RALGPS2: variants seen among roughly 807,000 people sequenced by gnomAD.
RALGPS2 encodes the protein Ral GEF with PH domain and SH3 binding motif 2.
Under a neutral mutation model 86.8 loss-of-function variants are expected in RALGPS2, and 43 were observed. The observed-to-expected ratio is 0.50, with a 90% CI of 0.39 to 0.64. The LOEUF is 0.64. Ranked by LOEUF, RALGPS2 falls within the 30% of genes least tolerant of loss-of-function variation. The pLI is 0.00. For missense variants in RALGPS2, 536 were observed against 694.6 expected (o/e 0.77, Z 2.57); for synonymous variants, 243 against 231.3 (o/e 1.05, Z -0.46).
chr1:178,852,114 A>G (rs1401694127), intron 8 of RALGPS2, among the ~76,000 whole-genome samples: 1 of 152,120 alleles, frequency 6.6e-6, no homozygotes, highest in Admixed American at 6.6e-5. Flanking sequence ...CATGTATCCA[A>G]ATGGCTTGCA....
chr1:178,888,377 A>C (rs1659579244), intron 13 of RALGPS2, among the ~76,000 whole-genome samples: 1 of 152,202 alleles, frequency 6.6e-6, no homozygotes, highest in Non-Finnish European at 1.5e-5. Flanking sequence ...ATTAATCTAC[A>C]GTGAAGGCTT....
chr1:178,773,308 T>C (rs1393382338), intron 1 of RALGPS2, among the ~76,000 whole-genome samples: 3 of 152,202 alleles, frequency 2.0e-5, no homozygotes, highest in Non-Finnish European at 2.9e-5. Context: ...TTGTGCCACA[T>C]GCTCCAGCCT....
At chr1:178,753,830 G>A (rs115627382) in intron 1 of RALGPS2, 5,495 of 152,046 alleles carry the variant, frequency 0.036, 124 homozygotes, top group Middle Eastern at 0.058. Context: ...AAATTTGCAG[G>A]TTGAAGGTTT....
rs891930234 is a variant in RALGPS2, at chr1:178,917,791, G to A, written c.*1432G>A. The A allele has an allele frequency of 1.3e-5, 2 of 152,030 alleles. No individual in the cohort carries two copies. The highest frequency in any genetic ancestry group is 2.9e-5 in the Non-Finnish European group (2 of 67,958). The allele number at this position is 152,030 out of a possible 1,614,324, so 9.4% of individuals were successfully genotyped here. On this transcript the variant is annotated 3_prime_UTR_variant, in exon 20 of 20. Transcript: ENST00000367635. ...GACACTCAAACAAAGGCTATATGTC[G>A]AATGTTATAAACTCTTGAGACATAA...
chr1:178,771,903 T>C (rs1477171172), intron 1 of RALGPS2, among the ~76,000 whole-genome samples: 2 of 152,220 alleles, frequency 1.3e-5, no homozygotes, highest in Non-Finnish European at 2.9e-5. Flanking sequence ...TTTTCCATTG[T>C]GTAGCAGTCA....
chr1:178,744,817 C>CA (rs148175568), intron 1 of RALGPS2, among the ~76,000 whole-genome samples: 5,314 of 65,006 alleles, frequency 0.082, 278 homozygotes, highest in African/African-American at 0.15. Flanking sequence ...GACTCCATCT[C>CA]AAAAAAAAAA....
At chr1:178,803,127 G>A (rs191809132) in intron 4 of RALGPS2, among the ~76,000 whole-genome samples, 489 of 152,236 alleles carry the variant, frequency 3.2e-3, no homozygotes, top group African/African-American at 0.01. Flanking sequence ...CAGTTTGACA[G>A]GTAGCAGAGC....
chr1:178,845,394 A>G (rs1211189071), intron 8 of RALGPS2, among the ~76,000 whole-genome samples: 2 of 152,166 alleles, frequency 1.3e-5, no homozygotes, highest in African/African-American at 2.4e-5. Context: ...ACCCTCTGTA[A>G]TATAGTGTTC....
Position 178,821,625 on chromosome 1 carries a change from T to G in RALGPS2, c.401T>G (p.Leu134Arg), listed in dbSNP as rs1327506943. Reference protein sequence around the residue: ...YIKTAKKLYELNNLHALMAVV... With the variant: ...YIKTAKKLYERNNLHALMAVV... ...TCAAATCTTCAGAAACTGTATGAGC[T>G]GAATAACCTTCATGCACTTATGGCA... Residue 134 changes from leucine (L) to arginine (R), a missense_variant, in exon 7 of 20, where the codon CTG becomes CGG. Around this residue, in one of 3 missense-constraint regions of RALGPS2, gnomAD observed 184 missense variants for 296.7 expected, o/e 0.62. Coordinates refer to ENST00000367635, the MANE Select transcript of RALGPS2 (RefSeq NM_152663.5). The G allele has an allele frequency of 6.2e-7, 1 of 1,612,352 alleles. No individual in the cohort carries two copies. The highest frequency in any genetic ancestry group is 8.5e-7 in the Non-Finnish European group (1 of 1,179,376).
intron 1 of RALGPS2, among the ~76,000 whole-genome samples, chr1:178,732,912 C>CA (rs559486606): frequency 2.4e-4 from 37 of 152,118 alleles, no homozygotes; most frequent in Admixed American, 5.9e-4. Context: ...TTTTTTCACC[C>CA]ACACGGCTGA....
At chr1:178,821,516 C>G (rs1655502854) in intron 6 of RALGPS2, 96 bp from the exon 7 acceptor site, 8 of 871,214 alleles carry the variant, frequency 9.2e-6, no homozygotes, top group Admixed American at 6.2e-5. Flanking sequence ...TGCTGGAACA[C>G]TACCAGTTGC....
rs180699315 is a variant in RALGPS2 at position 178,863,875 on chromosome 1, A to G, written c.608-13623A>G. Among the ~76,000 whole-genome samples the G allele has an allele frequency of 3.0e-3, 455 of 152,338 alleles. 2 individuals carry two copies. The highest frequency in any genetic ancestry group is 0.01 in the African/African-American group (434 of 41,590). ...ACTGACAGAGAGATGAAACCACTTC[A>G]TGATATATTTCTTTCTAGTCTTTAG... is the stretch of plus-strand genomic sequence containing the variant. On this transcript the variant is annotated intron_variant, in intron 8 of 19. Transcript: ENST00000367635.
chr1:178,827,909 G>T (rs888850152), intron 7 of RALGPS2, among the ~76,000 whole-genome samples: 26 of 152,094 alleles, frequency 1.7e-4, no homozygotes, highest in Admixed American at 1.7e-3. Flanking sequence ...CTGGATGTCC[G>T]CATGCAAAAG....
intron 2 of RALGPS2, among the ~76,000 whole-genome samples, chr1:178,778,281 A>G (rs1572322338): frequency 2.9e-4 from 3 of 10,382 alleles, no homozygotes; most frequent in Non-Finnish European, 4.5e-4. Context: ...CAGCCAAAAA[A>G]CACATGAAAA....
intron 1 of RALGPS2, among the ~76,000 whole-genome samples, chr1:178,757,363 C>A (rs1358542270): frequency 3.3e-5 from 5 of 152,088 alleles, no homozygotes. Context: ...GCATCCTTGT[C>A]TTGTTCCAGC....
intron 8 of RALGPS2, among the ~76,000 whole-genome samples, chr1:178,875,929 G>A (rs1658984329): frequency 6.6e-6 from 1 of 152,056 alleles, no homozygotes; most frequent in African/African-American, 2.4e-5. Context: ...GGGGAAAGTG[G>A]GAAGAACCTC....
intron 7 of RALGPS2, among the ~76,000 whole-genome samples, chr1:178,823,291 T>G (rs761598165): frequency 3.3e-5 from 5 of 152,378 alleles, no homozygotes; most frequent in African/African-American, 4.8e-5. Context: ...TTTGATGGTT[T>G]GTATTTTAAA....
In RALGPS2 at chr1:178,885,179, T is replaced by G. The variant is rs200697658; in HGVS notation, c.1008T>G (p.His336Gln). ...TPPSPRNLIP[H>Q]GHRKCHSLGY... The stretch of plus-strand genomic sequence containing the variant: ...CATCCCCTCGGAATCTGATTCCACA[T>G]GGACATAGGAAGTGCCATAGTTTGG... Residue 336 changes from histidine to glutamine, a missense_variant, in exon 12 of 20, where the codon CAT becomes CAG. Coordinates refer to ENST00000367635, the MANE Select transcript of RALGPS2 (RefSeq NM_152663.5). 4.0e-5 allele frequency: 65 copies of G among 1,613,846 alleles called. No individual in the cohort carries two copies. Among genetic ancestry groups the G allele is most frequent in the Non-Finnish European group, 5.3e-5 (62 of 1,179,918 alleles).
At chr1:178,759,525 T>C (rs1652127422) in intron 1 of RALGPS2, among the ~76,000 whole-genome samples, 1 of 143,436 alleles carries the variant, frequency 7.0e-6, no homozygotes, top group Non-Finnish European at 1.5e-5. Flanking sequence ...CTCAGTTTTG[T>C]TCTTTTTTTT....
Sources: allele counts gnomAD v4.1 joint callset (sites outside exome capture counted in the v4.1 genomes callset), GRCh38; gene constraint gnomAD v4.1.1; regional missense constraint gnomAD v4.1.1; transcripts MANE v1.5; gene names NCBI Gene and HGNC (gene_info 2026-07-23, HGNC 2026-07-21).